RFTN2: variants seen among roughly 807,000 people sequenced by gnomAD.
The protein encoded by RFTN2 is raftlin-2.
Under a neutral mutation model 52.7 loss-of-function variants are expected in RFTN2, and 34 were observed. The observed-to-expected ratio is 0.64, with a 90% CI of 0.49 to 0.86. The LOEUF (loss-of-function observed/expected upper bound fraction) is 0.86. Among genes scored for constraint, RFTN2 ranks in the 40% least tolerant of loss-of-function variants. RFTN2 has a pLI of 0.00. For missense variants in RFTN2, 536 were observed against 600.1 expected, an observed-to-expected ratio of 0.89 and a Z score of 1.12; for synonymous variants, 203 against 217.7, an observed-to-expected ratio of 0.93 and a Z score of 0.59.
chr2:197,593,904 T>G (rs911383752), intron 8 of RFTN2, among the ~76,000 whole-genome samples: 6 of 147,570 alleles, frequency 4.1e-5, no homozygotes, highest in Admixed American at 1.4e-4. Flanking sequence ...AAAAAAAGAA[T>G]AAGAAGGGTG....
intron 1 of RFTN2, among the ~76,000 whole-genome samples, chr2:197,653,184 A>ATC (rs1267773023): frequency 6.6e-6 from 1 of 152,216 alleles, no homozygotes; most frequent in Non-Finnish European, 1.5e-5. Context: ...CTCTATACTT[A>ATC]GAGTATTGCC....
chr2:197,631,580 A>G (rs1027004457), intron 4 of RFTN2, among the ~76,000 whole-genome samples: 6 of 152,232 alleles, frequency 3.9e-5, no homozygotes, highest in Non-Finnish European at 8.8e-5. Flanking sequence ...CCTACTGTAG[A>G]TATGAATTGA....
At chr2:197,593,811 G>C (rs1047776058) in intron 8 of RFTN2, among the ~76,000 whole-genome samples, 8 of 150,486 alleles carry the variant, frequency 5.3e-5, no homozygotes, top group Non-Finnish European at 7.4e-5. Flanking sequence ...CACTTAACCA[G>C]GGAGTAGGAG....
At chr2:197,585,612 C>G (rs1413271988) in intron 8 of RFTN2, among the ~76,000 whole-genome samples, 1 of 152,180 alleles carries the variant, frequency 6.6e-6, no homozygotes, top group African/African-American at 2.4e-5. Context: ...TCACTCTCTG[C>G]TAGCCATTTC....
At chr2:197,638,990 C>T (rs2088615164) in intron 3 of RFTN2, among the ~76,000 whole-genome samples, 1 of 147,206 alleles carries the variant, frequency 6.8e-6, no homozygotes, top group African/African-American at 2.5e-5. Context: ...ATTTCTCCTT[C>T]ACTTATGAAG....
intron 1 of RFTN2, among the ~76,000 whole-genome samples, chr2:197,661,402 T>A (rs1174544763): frequency 2.6e-5 from 4 of 151,932 alleles, no homozygotes; most frequent in Non-Finnish European, 5.9e-5. Flanking sequence ...TGGTAGTTTT[T>A]AAATATATAT....
At chr2:197,611,219 T>G (rs1434960913) in intron 7 of RFTN2, among the ~76,000 whole-genome samples, 1 of 152,202 alleles carries the variant, frequency 6.6e-6, no homozygotes, top group Non-Finnish European at 1.5e-5. Context: ...CTGGTAGAAT[T>G]TGGCTGTGAA....
At chr2:197,589,300 CG>C (rs527728311) in intron 8 of RFTN2, among the ~76,000 whole-genome samples, 20 of 148,144 alleles carry the variant, frequency 1.4e-4, no homozygotes, top group African/African-American at 4.9e-4. Flanking sequence ...CCACCATCCA[CG>C]TAAGATGTGA....
intron 3 of RFTN2, among the ~76,000 whole-genome samples, chr2:197,636,870 G>T (rs1334192294): frequency 6.7e-6 from 1 of 150,036 alleles, no homozygotes; most frequent in African/African-American, 2.4e-5. Context: ...GATATTGGCT[G>T]TGGGTTTGTC....
chr2:197,603,102 T>C (rs2087904953), intron 7 of RFTN2, among the ~76,000 whole-genome samples: 1 of 152,168 alleles, frequency 6.6e-6, no homozygotes, highest in Non-Finnish European at 1.5e-5. Context: ...AGAGATAGCA[T>C]TAGGAGATAT....
In RFTN2 at chr2:197,628,313, G is replaced by A. The variant is rs151287758; in HGVS notation, c.928+2698C>T. On this transcript the variant is annotated intron_variant, in intron 5 of 8. Transcript: ENST00000295049. ...CAAATGTCTAATGAGACATTCCAGA[G>A]CTGCTGAGAGGGGAAGATTCTGCAC... 3.5e-3 allele frequency among the ~76,000 whole-genome samples: 534 copies of A among 152,246 alleles called. 5 individuals are homozygous for A. Among genetic ancestry groups the A allele is most frequent in the East Asian group, 0.013 (68 of 5,170 alleles).
At chr2:197,598,570 C>G (rs894955236) in intron 7 of RFTN2, among the ~76,000 whole-genome samples, 1 of 152,192 alleles carries the variant, frequency 6.6e-6, no homozygotes, top group Non-Finnish European at 1.5e-5. Flanking sequence ...TTCACACTAA[C>G]TGTGGATGGG....
rs2087268801 is a variant in RFTN2, at chr2:197,568,480, A to G, written c.*3528T>C. 1 of 152,184 alleles carries G rather than the reference A, an allele frequency of 6.6e-6. No individual in the cohort carries two copies. The highest frequency in any genetic ancestry group is 6.5e-5 in the Admixed American group (1 of 15,286). 9.4% of individuals were successfully genotyped at this position (152,184 alleles called of 1,614,324 possible). The stretch of plus-strand genomic sequence containing the variant: ...AAACTTTGCACTATTACACAAATAA[A>G]ATTCATTCTCAAGGGATGATAGATT... On this transcript the variant is annotated 3_prime_UTR_variant, in exon 9 of 9. Transcript: ENST00000295049.
intron 3 of RFTN2, among the ~76,000 whole-genome samples, chr2:197,638,140 A>G (rs1286782985): frequency 6.9e-6 from 1 of 144,632 alleles, no homozygotes; most frequent in Non-Finnish European, 1.5e-5. Flanking sequence ...ACATTTGCTG[A>G]GGAGAGCTTT....
At position 197,675,532 on chromosome 2, in the gene RFTN2, A is replaced by AACC; in HGVS notation, c.-75_-74insGGT. ...CAAATTCTGTTGTTTAAGCTGCAAA[A>AACC]AGAAAGTTACAGACTTAACTGCTTT... is the stretch of plus-strand genomic sequence containing the variant. On this transcript the variant is annotated 5_prime_UTR_variant, in exon 1 of 9. Coordinates refer to ENST00000295049, the MANE Select transcript of RFTN2 (RefSeq NM_144629.3). 1 of 1,070,236 alleles carries AACC rather than the reference A, an allele frequency of 9.3e-7. No individual in the cohort carries two copies. The highest frequency in any genetic ancestry group is 1.2e-6 in the Non-Finnish European group (1 of 805,612). The allele number at this position is 1,070,236 out of a possible 1,614,324, so 66.3% of individuals were successfully genotyped here.
chr2:197,589,522 C>T (rs1044918434), intron 8 of RFTN2, among the ~76,000 whole-genome samples: 2 of 152,134 alleles, frequency 1.3e-5, no homozygotes, highest in African/African-American at 4.8e-5. Flanking sequence ...CTCCCCAGTT[C>T]TTGGTATTGT....
chr2:197,628,257 C>T (rs1467313626), intron 5 of RFTN2, among the ~76,000 whole-genome samples: 1 of 152,200 alleles, frequency 6.6e-6, no homozygotes, highest in African/African-American at 2.4e-5. Context: ...ACTGACGTGG[C>T]TTGTGAGGGG....
Position 197,591,250 on chromosome 2 carries a change from C to T in RFTN2, c.1233+4741G>A, listed in dbSNP as rs1278442241. Reference sequence around the variant, plus strand: ...CAAACCTTGAGCTAGATATAGAGTGCCGATTGGTGTATTCACAATCCCTTA... The same window carrying T: ...CAAACCTTGAGCTAGATATAGAGTGTCGATTGGTGTATTCACAATCCCTTA... On this transcript the variant is annotated intron_variant, in intron 8 of 8. Coordinates refer to ENST00000295049, the MANE Select transcript of RFTN2 (RefSeq NM_144629.3). Among the ~76,000 whole-genome samples, 2 of 152,110 alleles carry T rather than the reference C, an allele frequency of 1.3e-5. 1 individual carries two copies. The highest frequency in any genetic ancestry group is 2.9e-5 in the Non-Finnish European group (2 of 68,030).
At chr2:197,620,415 G>A (rs1188013402) in intron 5 of RFTN2, among the ~76,000 whole-genome samples, 2 of 152,192 alleles carry the variant, frequency 1.3e-5, no homozygotes, top group African/African-American at 2.4e-5. Context: ...AAACATTTCG[G>A]TTTTTGTGTA....
Sources: allele counts gnomAD v4.1 joint callset (sites outside exome capture counted in the v4.1 genomes callset), GRCh38; gene constraint gnomAD v4.1.1; transcripts MANE v1.5; gene names NCBI Gene and HGNC (gene_info 2026-07-23, HGNC 2026-07-21).